DNAH9: variants seen among roughly 807,000 people sequenced by gnomAD.
The protein encoded by DNAH9 is DNAH9 variant protein.
DNAH9 carries 345 observed loss-of-function variants against 471.6 expected under a neutral mutation model. The ratio of observed to expected loss-of-function variants is 0.73; its 90% confidence interval spans 0.67 to 0.80. DNAH9 has a LOEUF of 0.80. Ranked by LOEUF, DNAH9 falls within the 30% of genes least tolerant of loss-of-function variation. The pLI, the probability that DNAH9 is intolerant of heterozygous loss-of-function variation, is 0.00. For synonymous variants in DNAH9, 2,093 were observed against 2,123.6 expected, an observed-to-expected ratio of 0.99 and a Z score of 0.40; for missense variants, 5,407 against 5,609.2, an observed-to-expected ratio of 0.96 and a Z score of 1.15.
chr17:11,680,817 G>A lies in DNAH9; in HGVS notation c.3671G>A (p.Arg1224His), dbSNP rs558363367. The change falls in exon 19 of 69, where the codon CGC becomes CAC. Residue 1224 changes from arginine (R) to histidine (H), a missense_variant. Arg to His is a conservative substitution (Grantham distance 29, BLOSUM62 0). Around this residue, in one of 3 missense-constraint regions of DNAH9, gnomAD observed 4,636 missense variants for 4,900.3 expected, o/e 0.95. Coordinates refer to ENST00000262442, the MANE Select transcript of DNAH9 (RefSeq NM_001372.4). ...CAGGCAAATGAAGTGACACTCCTCC[G>A]CCAGAGGTGCACAGCCTTCGATGCA... ...PLQANEVTLLRQRCTAFDAEQ... is the reference protein window; with the variant it reads ...PLQANEVTLLHQRCTAFDAEQ... The A allele has an allele frequency of 1.1e-5, 18 of 1,613,822 alleles. No homozygotes were observed. The highest frequency in any genetic ancestry group is 4.5e-5 in the East Asian group (2 of 44,858).
chr17:11,732,025 A>G (rs949862477), intron 28 of DNAH9, among the ~76,000 whole-genome samples: 1 of 152,170 alleles, frequency 6.6e-6, no homozygotes. Flanking sequence ...GGTCTTCTCT[A>G]TGCCCTTCAC....
At position 11,617,608 on chromosome 17, in the gene DNAH9, CT is replaced by C; in HGVS notation, c.1104del (p.Leu369SerfsTer15). Reference sequence around the variant, plus strand: ...TGTGCTGCTCCAGGAGATTTGCAACCTTCTCATCCAGCAGGTGGGCTGCCCT... The same window carrying C: ...TGTGCTGCTCCAGGAGATTTGCAACCTCTCATCCAGCAGGTGGGCTGCCCT... ...LTVLLQEICN[L>X]LIQQASNYLS... On this transcript the variant is annotated frameshift_variant, in exon 5 of 69. Coordinates refer to ENST00000262442, the MANE Select transcript of DNAH9 (RefSeq NM_001372.4). LOFTEE classifies it high-confidence loss of function. The C allele has an allele frequency of 6.2e-7, 1 of 1,614,000 alleles. No individual in the cohort carries two copies. The highest frequency in any genetic ancestry group is 1.1e-5 in the South Asian group (1 of 91,076).
At chr17:11,783,805 C>T (rs1249903380) in intron 40 of DNAH9, 57 bp downstream of exon 40, 1 of 1,404,116 alleles carries the variant, frequency 7.1e-7, no homozygotes, top group African/African-American at 1.4e-5. Context: ...AGCTGATGCC[C>T]CTTGATTATA....
intron 13 of DNAH9, among the ~76,000 whole-genome samples, chr17:11,652,275 G>C (rs2073524770): frequency 7.7e-6 from 1 of 129,234 alleles, no homozygotes; most frequent in African/African-American, 2.8e-5. Context: ...TATGGTAAGG[G>C]TAGGCTTTTT....
intron 26 of DNAH9, among the ~76,000 whole-genome samples, chr17:11,706,159 TG>T (rs1456827002): frequency 6.6e-6 from 1 of 152,164 alleles, no homozygotes; most frequent in Non-Finnish European, 1.5e-5. Flanking sequence ...AGTATATAAG[TG>T]CTCAGTAATC....
chr17:11,960,435 T>TAAAAAAAAAAAAAAAA (rs3074845), intron 67 of DNAH9, among the ~76,000 whole-genome samples: 10 of 54,044 alleles, frequency 1.9e-4, no homozygotes, highest in East Asian at 6.2e-4. Context: ...GACTCTGTCT[T>TAAAAAAAAAAAAAAAA]AAAAAAAAAA....
At chr17:11,813,810 C>T (rs1274181313) in intron 45 of DNAH9, among the ~76,000 whole-genome samples, 1 of 152,168 alleles carries the variant, frequency 6.6e-6, no homozygotes, top group Non-Finnish European at 1.5e-5. Context: ...TTTCAGAACC[C>T]ATCTTTATGC....
chr17:11,748,844 C>T (rs894502481), intron 32 of DNAH9, among the ~76,000 whole-genome samples: 1 of 152,068 alleles, frequency 6.6e-6, no homozygotes, highest in Non-Finnish European at 1.5e-5. Context: ...AATCTCAGCT[C>T]CTTCCTGATG....
At chr17:11,852,543 A>G (rs940242741) in intron 49 of DNAH9, among the ~76,000 whole-genome samples, 10 of 151,992 alleles carry the variant, frequency 6.6e-5, no homozygotes, top group African/African-American at 1.9e-4. Context: ...AGCTCAGCCC[A>G]GTACCTGGAG....
chr17:11,904,822 G>A (rs532722672), intron 60 of DNAH9, among the ~76,000 whole-genome samples: 1 of 152,172 alleles, frequency 6.6e-6, no homozygotes, highest in African/African-American at 2.4e-5. Flanking sequence ...ACCAGGAGCT[G>A]GGTCAGATGT....
intron 36 of DNAH9, among the ~76,000 whole-genome samples, chr17:11,765,509 C>T (rs1967895243): frequency 6.6e-6 from 1 of 152,198 alleles, no homozygotes; most frequent in Non-Finnish European, 1.5e-5. Flanking sequence ...ACCATCACTC[C>T]CTGATGTGTT....
chr17:11,706,418 C>G (rs913942243), intron 26 of DNAH9, among the ~76,000 whole-genome samples: 1 of 151,920 alleles, frequency 6.6e-6, no homozygotes, highest in East Asian at 1.9e-4. Context: ...CCTTAAAGTC[C>G]AATTCTAATG....
At chr17:11,710,874 C>T (rs923881951) in intron 26 of DNAH9, among the ~76,000 whole-genome samples, 2 of 151,912 alleles carry the variant, frequency 1.3e-5, no homozygotes, top group African/African-American at 2.4e-5. Flanking sequence ...TAGAAGTGGC[C>T]GAAAAAAGAC....
intron 26 of DNAH9, among the ~76,000 whole-genome samples, chr17:11,716,281 A>G (rs1464350355): frequency 6.6e-6 from 1 of 151,976 alleles, no homozygotes; most frequent in Non-Finnish European, 1.5e-5. Flanking sequence ...CGGTTTCACC[A>G]TGTTGACCAG....
rs540785033 is a variant in DNAH9, at chr17:11,823,650, G to T, written c.9246+616G>T. Among the ~76,000 whole-genome samples, 17 of 152,220 alleles carry T rather than the reference G, an allele frequency of 1.1e-4. No individual in the cohort carries two copies. The South Asian group carries it at 3.5e-3, about 32-fold the overall frequency. On this transcript the variant is annotated intron_variant, in intron 48 of 68. Transcript: ENST00000262442. Reference sequence around the variant, plus strand: ...TGGCCATGGAAAGAAGGCCCCTGTCGGCCGGGCACGGTGGCTCACGCCTGT... The same window carrying T: ...TGGCCATGGAAAGAAGGCCCCTGTCTGCCGGGCACGGTGGCTCACGCCTGT...
At chr17:11,876,114 G>A (rs1309444470) in intron 53 of DNAH9, among the ~76,000 whole-genome samples, 1 of 152,032 alleles carries the variant, frequency 6.6e-6, no homozygotes. Context: ...TGGGGAGTTC[G>A]CCATTTTAAA....
intron 17 of DNAH9, among the ~76,000 whole-genome samples, chr17:11,674,082 T>A (rs1384735928): frequency 2.6e-5 from 4 of 152,238 alleles, no homozygotes; most frequent in African/African-American, 9.6e-5. Flanking sequence ...TTCCCTTAGA[T>A]TAATGTACCA....
chr17:11,892,019 T>G lies in DNAH9; in HGVS notation c.11283+72T>G. 6.5e-7 allele frequency: 1 copy of G among 1,548,336 alleles called. No individual in the cohort carries two copies. Among genetic ancestry groups the G allele is most frequent in the Non-Finnish European group, 8.8e-7 (1 of 1,131,334 alleles). On this transcript the variant is annotated intron_variant, in intron 58 of 68. Coordinates refer to ENST00000262442, the MANE Select transcript of DNAH9 (RefSeq NM_001372.4). The surrounding 1 kb of genome is among the most constrained non-coding windows in gnomAD (Gnocchi z 4.3). ...GCCCAGACAGCAGGTGTTAAGAAACTTTCTTCTTTGAACATCACTTTCCAC... is the reference window on the plus strand; with the variant it reads ...GCCCAGACAGCAGGTGTTAAGAAACGTTCTTCTTTGAACATCACTTTCCAC...
chr17:11,684,269 T>C (rs2074194862), intron 19 of DNAH9, among the ~76,000 whole-genome samples: 1 of 152,182 alleles, frequency 6.6e-6, no homozygotes, highest in African/African-American at 2.4e-5. Flanking sequence ...AGTGTCTTAT[T>C]AAGCCCTTGC....
Sources: gnomAD v4.1 joint callset for allele counts (sites outside exome capture counted in the v4.1 genomes callset) on GRCh38, gnomAD v4.1.1 for gene constraint, gnomAD v4.1.1 regional missense constraint, Gnocchi (gnomAD v3.1) non-coding constraint, MANE v1.5 for transcripts, NCBI Gene and HGNC (gene_info 2026-07-23, HGNC 2026-07-21) for gene names.